The following ADCY2 variants were observed in gnomAD, a reference collection of about 807,000 sequenced individuals.
ADCY2 encodes the protein adenylate cyclase type 2.
In ADCY2, 31 loss-of-function variants were observed where a neutral mutation model predicts 125.2. The ratio of observed to expected loss-of-function variants is 0.25; its 90% CI spans 0.19 to 0.33. ADCY2 has a LOEUF of 0.33. Among genes scored for constraint, ADCY2 ranks in the 10% least tolerant of loss-of-function variants. The probability of loss-of-function intolerance (pLI) is 1.00; values close to 1 mark genes in which losing one functional copy is unlikely to be tolerated. For missense variants in ADCY2, 904 were observed against 1,418.2 expected (o/e 0.64, Z 5.82); for synonymous variants, 512 against 548.4 (o/e 0.93, Z 0.93).
chr5:7,724,113 A>G (rs1191854671), intron 12 of ADCY2, among the ~76,000 whole-genome samples: 1 of 130,200 alleles, frequency 7.7e-6, no homozygotes, highest in Non-Finnish European at 1.6e-5. Context: ...CTAGAAGCTA[A>G]CAAAAAAAAA....
At chr5:7,693,442 G>A (rs1172042201) in intron 5 of ADCY2, among the ~76,000 whole-genome samples, 3 of 78,058 alleles carry the variant, frequency 3.8e-5, no homozygotes, top group Non-Finnish European at 1.0e-4. Context: ...TTTTTGAGAC[G>A]GAGTCTCACT....
chr5:7,766,955 A>T, intron 17 of ADCY2, 149 bp downstream of exon 17: 1 of 1,069,556 alleles, frequency 9.3e-7, no homozygotes, highest in South Asian at 2.2e-5. Context: ...TACAAATGTC[A>T]GCCTCTGCTA....
intron 4 of ADCY2, among the ~76,000 whole-genome samples, chr5:7,655,783 G>T (rs1739301272): frequency 6.6e-6 from 1 of 152,200 alleles, no homozygotes; most frequent in Non-Finnish European, 1.5e-5. Flanking sequence ...TTATTTGTCA[G>T]AAGTAAATGT....
chr5:7,785,919 C>T (rs1446224368), intron 19 of ADCY2, among the ~76,000 whole-genome samples: 1 of 152,122 alleles, frequency 6.6e-6, no homozygotes, highest in Non-Finnish European at 1.5e-5. Flanking sequence ...ATGGTTAAGT[C>T]CAATGGCTGA....
At chr5:7,713,627 C>T (rs1012673207) in intron 11 of ADCY2, among the ~76,000 whole-genome samples, 4 of 152,102 alleles carry the variant, frequency 2.6e-5, no homozygotes, top group Admixed American at 6.6e-5. Flanking sequence ...AAAAGTTTCC[C>T]ACAAATGTCT....
chr5:7,700,751 ACACACAG>A (rs1741053379), intron 7 of ADCY2, among the ~76,000 whole-genome samples: 1 of 99,176 alleles, frequency 1.0e-5, no homozygotes, highest in African/African-American at 4.0e-5. Flanking sequence ...ACACACACAC[ACACACAG>A]CCTCAGCCAA....
chr5:7,501,273 G>A (rs1743558349), intron 2 of ADCY2, among the ~76,000 whole-genome samples: 1 of 152,102 alleles, frequency 6.6e-6, no homozygotes, highest in Admixed American at 6.5e-5. Flanking sequence ...GTCAAACCTG[G>A]CTGCTTTCCC....
At chr5:7,809,696 A>G (rs1011069066) in intron 22 of ADCY2, among the ~76,000 whole-genome samples, 3 of 152,238 alleles carry the variant, frequency 2.0e-5, no homozygotes, top group Non-Finnish European at 4.4e-5. Flanking sequence ...TTGCAGTAAC[A>G]ACATACTTAC....
intron 3 of ADCY2, among the ~76,000 whole-genome samples, chr5:7,545,718 A>G (rs2126566732): frequency 6.6e-6 from 1 of 152,330 alleles, no homozygotes; most frequent in Admixed American, 6.5e-5. Context: ...TGACAGTGAC[A>G]TGGCAGTCCT....
intron 2 of ADCY2, among the ~76,000 whole-genome samples, chr5:7,449,009 G>A (rs959231436): frequency 6.6e-6 from 1 of 152,116 alleles, no homozygotes; most frequent in Non-Finnish European, 1.5e-5. Flanking sequence ...TGGAATTACT[G>A]GGTCAAATGG....
intron 1 of ADCY2, among the ~76,000 whole-genome samples, chr5:7,397,252 C>T (rs912699399): frequency 1.3e-5 from 2 of 152,058 alleles, no homozygotes; most frequent in African/African-American, 4.8e-5. Context: ...TGCAGCTCAA[C>T]AGCTGATGTC....
chr5:7,727,139 T>C, intron 13 of ADCY2, 25 bp from the exon 14 acceptor site: 1 of 1,579,852 alleles, frequency 6.3e-7, no homozygotes. Context: ...GAACTGTCAC[T>C]CACAGGTTCC....
intron 4 of ADCY2, among the ~76,000 whole-genome samples, chr5:7,646,608 TC>T (rs1475028322): frequency 1.3e-5 from 2 of 152,170 alleles, no homozygotes; most frequent in Non-Finnish European, 2.9e-5. Context: ...ACTATTTTCT[TC>T]CGTCTATGTG....
intron 16 of ADCY2, among the ~76,000 whole-genome samples, chr5:7,763,394 AATGT>A (rs1743294948): frequency 6.6e-6 from 1 of 152,188 alleles, no homozygotes; most frequent in African/African-American, 2.4e-5. Context: ...CCCGGCCTCT[AATGT>A]ATTTTTTAAT....
intron 15 of ADCY2, among the ~76,000 whole-genome samples, chr5:7,748,135 C>T (rs1276893041): frequency 6.6e-6 from 1 of 152,156 alleles, no homozygotes; most frequent in Non-Finnish European, 1.5e-5. Flanking sequence ...ATAGCAGCCC[C>T]TTCATCTCAC....
chr5:7,568,867 A>C (rs1240497117), intron 3 of ADCY2, among the ~76,000 whole-genome samples: 2 of 152,118 alleles, frequency 1.3e-5, no homozygotes, highest in Non-Finnish European at 2.9e-5. Flanking sequence ...TCAGTTTGTC[A>C]GCCATGATGA....
chr5:7,549,839 T>G (rs1735272362), intron 3 of ADCY2, among the ~76,000 whole-genome samples: 1 of 152,192 alleles, frequency 6.6e-6, no homozygotes, highest in African/African-American at 2.4e-5. Context: ...GAAGTGGCTT[T>G]CTCCAGCCAC....
In ADCY2 at chr5:7,735,057, G is replaced by A. The variant is rs186609371; in HGVS notation, c.1871+7796G>A. 2.8e-3 allele frequency among the ~76,000 whole-genome samples: 420 copies of A among 152,232 alleles called. 1 individual carries two copies. Among genetic ancestry groups the A allele is most frequent in the Non-Finnish European group, 4.8e-3 (324 of 68,020 alleles). On this transcript the variant is annotated intron_variant, in intron 14 of 24. Transcript: ENST00000338316. ...TTTCCCTAATACCATCACATTGGAG[G>A]TTAGGAATTCAACAGATAGATTTTG...
At chr5:7,724,408 GTTT>G (rs371811181) in intron 12 of ADCY2, 134 bp from the exon 13 acceptor site, 983 of 562,826 alleles carry the variant, frequency 1.7e-3, no homozygotes, top group Admixed American at 1.9e-3. Context: ...GGCATCACGT[GTTT>G]TTTTTTTTTT....
Sources: gnomAD v4.1 joint callset for allele counts (sites outside exome capture counted in the v4.1 genomes callset) on GRCh38, gnomAD v4.1.1 for gene constraint, MANE v1.5 for transcripts, NCBI Gene and HGNC (gene_info 2026-07-23, HGNC 2026-07-21) for gene names.